COL1A1: variants seen among roughly 807,000 people sequenced by gnomAD.
The protein encoded by COL1A1 is collagen alpha-1(I) chain.
Under a neutral mutation model 195.7 loss-of-function variants are expected in COL1A1, and 21 were observed. That is an observed-to-expected ratio of 0.11 (90% CI 0.08 to 0.15). The LOEUF is 0.15. COL1A1 is among the 10% of genes least tolerant of loss of function. The probability of loss-of-function intolerance (pLI) is 1.00; values close to 1 mark genes in which losing one functional copy is unlikely to be tolerated. For missense variants in COL1A1, 1,365 were observed against 2,051.0 expected (o/e 0.67, Z 6.46); for synonymous variants, 749 against 747.3 (o/e 1.00, Z -0.04).
At chr17:50,192,900 C>T (rs1044334311) in intron 26 of COL1A1, 50 bp from the exon 27 acceptor site, 1 of 1,613,384 alleles carries the variant, frequency 6.2e-7, no homozygotes, top group Non-Finnish European at 8.5e-7. Flanking sequence ...CCCCGAGCAG[C>T]TGAGGACCGT....
In COL1A1 at chr17:50,188,290, C is replaced by A. The variant is rs147462383; in HGVS notation, c.3208-141G>T. ...CATCTCTCCCAACTCCCAGGGAAAC[C>A]TCCCCACTGCAATCTTCACGGGAGC... On this transcript the variant is annotated intron_variant, in intron 43 of 50. Coordinates refer to ENST00000225964, the MANE Select transcript of COL1A1 (RefSeq NM_000088.4). The surrounding 1 kb of genome is among the most constrained non-coding windows in gnomAD (Gnocchi z 5.6). 6.3e-5 allele frequency: 59 copies of A among 930,720 alleles called. No homozygotes were observed. The East Asian group carries it at 1.5e-3, about 23-fold the overall frequency. 57.7% of individuals were successfully genotyped at this position (930,720 alleles called of 1,614,324 possible). A position where few individuals can be genotyped will look rare whatever the true frequency, so the allele number is the denominator to read the frequency against.
In COL1A1 at chr17:50,190,966, G is replaced by C; in HGVS notation, c.2236-42C>G. 6.3e-7 allele frequency: 1 copy of C among 1,579,248 alleles called. No individual in the cohort carries two copies. The highest frequency in any genetic ancestry group is 1.3e-5 in the African/African-American group (1 of 74,372). On this transcript the variant is annotated intron_variant, in intron 32 of 50. Coordinates refer to ENST00000225964, the MANE Select transcript of COL1A1 (RefSeq NM_000088.4). The surrounding 1 kb of genome is among the most constrained non-coding windows in gnomAD (Gnocchi z 4.7). ...GCTTGAGATTTCCAGTGTGGGGCAA[G>C]GAGGTGACCTATAGTGTTCTGCTTG...
rs143365102 is a variant in COL1A1, at chr17:50,189,036, A to G, written c.2938-26T>C. On this transcript the variant is annotated intron_variant, in intron 40 of 50. Coordinates refer to ENST00000225964, the MANE Select transcript of COL1A1 (RefSeq NM_000088.4). This position sits in a 1 kb window ranked among gnomAD's most constrained non-coding sequence, Gnocchi z 5.5. ...CTAAGGGAGAAGAAAGAGTCAGGCCAGAGATAGGGTCTGGGAGGACCCTTG... is the reference window on the plus strand; with the variant it reads ...CTAAGGGAGAAGAAAGAGTCAGGCCGGAGATAGGGTCTGGGAGGACCCTTG... 17 of 1,599,450 alleles carry G rather than the reference A, an allele frequency of 1.1e-5. No homozygotes were observed. Among genetic ancestry groups the G allele is most frequent in the Non-Finnish European group, 9.4e-6 (11 of 1,166,936 alleles).
chr17:50,199,165 C>A, intron 5 of COL1A1, 61 bp downstream of exon 5: 1 of 1,427,124 alleles, frequency 7.0e-7, no homozygotes, highest in Non-Finnish European at 9.2e-7. Context: ...AAAATTATGT[C>A]ATCTGCCAAA....
Position 50,186,632 on chromosome 17 carries a change from G to T in COL1A1, c.3814+8C>A, listed in dbSNP as rs1413282684. ...AGGAGGGAGGGAGAGGCTAGGGCAG[G>T]CCCTCACCACTCTTCCAGTCAGAGT... On this transcript the variant is annotated splice_region_variant and intron_variant, in intron 48 of 50. Coordinates refer to ENST00000225964, the MANE Select transcript of COL1A1 (RefSeq NM_000088.4). The surrounding 1 kb of genome is among the most constrained non-coding windows in gnomAD (Gnocchi z 5.3). 6.2e-7 allele frequency: 1 copy of T among 1,613,388 alleles called. No individual in the cohort carries two copies.
At position 50,195,942 on chromosome 17, in the gene COL1A1, G is replaced by A. The variant is rs372658559; in HGVS notation, c.1037C>T (p.Pro346Leu). ...TCTCACCTTAGCACCAACAGCACCA[G>A]GGAAGCCAGGAGGACCAGCGGGGCC... is the stretch of plus-strand genomic sequence containing the variant. ...PTGPAGPPGF[P>L]GAVGAKGEAG... is the part of the protein sequence containing the mutation. Residue 346 changes from proline (P) to leucine (L), a missense_variant, in exon 16 of 51, where the codon CCT becomes CTT. By Grantham distance (98) the Pro-to-Leu change is moderately conservative. Transcript: ENST00000225964. This position sits in a 1 kb window ranked among gnomAD's most constrained non-coding sequence, Gnocchi z 4.3. The A allele has an allele frequency of 1.6e-5, 25 of 1,591,016 alleles. No homozygotes were observed. The African/African-American group carries it at 3.2e-4, about 20-fold the overall frequency.
At position 50,184,902 on chromosome 17, in the gene COL1A1, T is replaced by G. The variant is rs1906342400; in HGVS notation, c.*600A>C. On this transcript the variant is annotated 3_prime_UTR_variant, in exon 51 of 51. Coordinates refer to ENST00000225964, the MANE Select transcript of COL1A1 (RefSeq NM_000088.4). ...GACCCCCTCAAAAACGAAGGGGAGA[T>G]GTTGCAAGAGCCATGGGAGCGCCAG... 1.3e-5 allele frequency: 3 copies of G among 228,238 alleles called. No homozygotes were observed. Among genetic ancestry groups the G allele is most frequent in the South Asian group, 3.6e-4 (2 of 5,484 alleles). 14.1% of individuals were successfully genotyped at this position (228,238 alleles called of 1,614,324 possible).
chr17:50,191,693 C>T, intron 31 of COL1A1, 95 bp downstream of exon 31: 3 of 1,402,120 alleles, frequency 2.1e-6, no homozygotes, highest in Non-Finnish European at 2.0e-6. Context: ...ACCCTATCTC[C>T]ATGGCTTTGG....
At chr17:50,185,716 G>A in intron 50 of COL1A1, 62 bp downstream of exon 50, 2 of 1,611,794 alleles carry the variant, frequency 1.2e-6, no homozygotes, top group East Asian at 2.2e-5. Context: ...GGGCACTATG[G>A]CCTGGCCAAA....
Position 50,187,870 on chromosome 17 carries a change from A to G in COL1A1, c.3369+6T>C. 6.3e-7 allele frequency: 1 copy of G among 1,593,626 alleles called. No homozygotes were observed. The highest frequency in any genetic ancestry group is 8.6e-7 in the Non-Finnish European group (1 of 1,168,784). ...TGGGGACTGGGGAGGGGCTGAGCAT[A>G]CTTACAGGAGGGCCAGGGGGACCCT... On this transcript the variant is annotated splice_donor_region_variant and intron_variant, in intron 45 of 50. Coordinates refer to ENST00000225964, the MANE Select transcript of COL1A1 (RefSeq NM_000088.4).
At chr17:50,191,514 G>A in intron 31 of COL1A1, 24 bp from the exon 32 acceptor site, 1 of 1,610,556 alleles carries the variant, frequency 6.2e-7, no homozygotes, top group Middle Eastern at 1.7e-4. Context: ...AAGAAGACTG[G>A]AGTGAGGCCT....
At chr17:50,201,337 A>C in intron 1 of COL1A1, 74 bp downstream of exon 1, 2 of 1,371,186 alleles carry the variant, frequency 1.5e-6, no homozygotes, top group South Asian at 1.2e-5. Flanking sequence ...GTCTCGTTTT[A>C]AGCCGCGGCC....
At position 50,195,862 on chromosome 17, in the gene COL1A1, AG is replaced by A; in HGVS notation, c.1056+60del. 1 of 1,542,586 alleles carries A rather than the reference AG, an allele frequency of 6.5e-7. No homozygotes were observed. The highest frequency in any genetic ancestry group is 8.8e-7 in the Non-Finnish European group (1 of 1,137,746). On this transcript the variant is annotated intron_variant, in intron 16 of 50. Transcript: ENST00000225964. This position sits in a 1 kb window ranked among gnomAD's most constrained non-coding sequence, Gnocchi z 4.3. Reference sequence around the variant, plus strand: ...TCTGGGTCCCTTTGGTTTGGGGAACAGGGAGACATGAACCCCTTGGCCCATG... The same window carrying A: ...TCTGGGTCCCTTTGGTTTGGGGAACAGGAGACATGAACCCCTTGGCCCATG...
chr17:50,194,462 T>A lies in COL1A1; in HGVS notation c.1516-15A>T. 2 of 1,613,488 alleles carry A rather than the reference T, an allele frequency of 1.2e-6. No individual in the cohort carries two copies. Among genetic ancestry groups the A allele is most frequent in the Non-Finnish European group, 1.7e-6 (2 of 1,179,756 alleles). ...CCAGCGGGACCCTGGTTGGGGGAAG[T>A]CACAGGAACAGTTAGGGTCTCAAGT... On this transcript the variant is annotated splice_polypyrimidine_tract_variant and intron_variant, in intron 22 of 50. Coordinates refer to ENST00000225964, the MANE Select transcript of COL1A1 (RefSeq NM_000088.4). This position sits in a 1 kb window ranked among gnomAD's most constrained non-coding sequence, Gnocchi z 6.8.
chr17:50,200,192 G>T (rs1907964049), intron 1 of COL1A1: 1 of 571,706 alleles, frequency 1.7e-6, no homozygotes, highest in South Asian at 2.0e-5. Flanking sequence ...TTTAGTCCGC[G>T]GTGGCTTCCA....
At chr17:50,191,589 C>A in intron 31 of COL1A1, 99 bp from the exon 32 acceptor site, 1 of 1,262,946 alleles carries the variant, frequency 7.9e-7, no homozygotes, top group Non-Finnish European at 1.1e-6. Flanking sequence ...GTTTCCAAGG[C>A]CAACGACAAG....
intron 2 of COL1A1, 45 bp downstream of exon 2, chr17:50,199,708 C>T: frequency 4.6e-6 from 1 of 218,410 alleles, no homozygotes; most frequent in South Asian, 7.3e-5. Context: ...AGCCCCAGGC[C>T]CCAGGCCCCA....
In COL1A1 at chr17:50,185,197, C is replaced by T. The variant is rs1288033451; in HGVS notation, c.*305G>A. 4.1e-5 allele frequency: 16 copies of T among 394,018 alleles called. No individual in the cohort carries two copies. Among genetic ancestry groups the T allele is most frequent in the African/African-American group, 2.0e-4 (10 of 48,894 alleles). The allele number at this position is 394,018 out of a possible 1,614,324, so 24.4% of individuals were successfully genotyped here. A position where few individuals can be genotyped will look rare whatever the true frequency, so the allele number is the denominator to read the frequency against. ...CCAACGGGCAGAAAGGGACTTACCC[C>T]CGCATGGGTCTTCAAGCAAGTGGAC... On this transcript the variant is annotated 3_prime_UTR_variant, in exon 51 of 51. Coordinates refer to ENST00000225964, the MANE Select transcript of COL1A1 (RefSeq NM_000088.4).
chr17:50,196,409 G>A (rs1205480082), intron 13 of COL1A1, 42 bp from the exon 14 acceptor site: 1 of 1,613,898 alleles, frequency 6.2e-7, no homozygotes, highest in South Asian at 1.1e-5. Context: ...ATGGGAGACA[G>A]CCTTGTTCCC....
Sources: allele counts gnomAD v4.1 joint callset, GRCh38; gene constraint gnomAD v4.1.1; non-coding constraint Gnocchi (gnomAD v3.1); transcripts MANE v1.5; gene names NCBI Gene and HGNC (gene_info 2026-07-23, HGNC 2026-07-21).